Variants in ZNF800 observed in about 807,000 individuals in gnomAD.
ZNF800 encodes the protein zinc finger protein 800.
Under a neutral mutation model 59.5 loss-of-function variants are expected in ZNF800, and 13 were observed. The observed-to-expected ratio is 0.22, with a 90% CI of 0.14 to 0.35. ZNF800 has a LOEUF of 0.35. ZNF800 is among the 10% of genes least tolerant of loss of function. The probability of loss-of-function intolerance (pLI) is 1.00; values close to 1 mark genes in which losing one functional copy is unlikely to be tolerated. For synonymous variants in ZNF800, 266 were observed against 265.7 expected (o/e 1.00, Z -0.01); for missense variants, 621 against 783.7 (o/e 0.79, Z 2.48).
At chr7:127,386,935 T>G (rs984575221) in intron 2 of ZNF800, among the ~76,000 whole-genome samples, 1 of 151,848 alleles carries the variant, frequency 6.6e-6, no homozygotes, top group African/African-American at 2.4e-5. Context: ...TTAATATATA[T>G]TTTATATATG....
At chr7:127,351,285 C>G (rs1254764487) in intron 1 of ZNF800, 1 of 152,234 alleles carries the variant, frequency 6.6e-6, no homozygotes. Context: ...CAAATCCTGT[C>G]CATCTCTCAA....
chr7:127,386,024 G>A, intron 3 of ZNF800, 36 bp downstream of exon 3: 1 of 1,463,038 alleles, frequency 6.8e-7, no homozygotes, highest in Non-Finnish European at 9.5e-7. Context: ...TAACTACTAT[G>A]TGAAGATTGA....
chr7:127,379,859 C>A (rs867767619), intron 3 of ZNF800, among the ~76,000 whole-genome samples: 5 of 79,016 alleles, frequency 6.3e-5, no homozygotes, highest in South Asian at 6.4e-4. Context: ...CCCACCCCCC[C>A]CACACACACA....
chr7:127,368,540 G>A (rs185033009), downstream of ZNF800, among the ~76,000 whole-genome samples: 1 of 152,098 alleles, frequency 6.6e-6, no homozygotes, highest in East Asian at 1.9e-4. Context: ...TCCAAACTAA[G>A]GATCTAGAAT....
At chr7:127,347,901 G>C (rs1800098097) in exon 2 of ZNF800, 2 of 149,978 alleles carry the variant, frequency 1.3e-5, no homozygotes, top group African/African-American at 4.8e-5. Flanking sequence ...GCGTGCTGGA[G>C]CTCTCGGGCG....
downstream of ZNF800, among the ~76,000 whole-genome samples, chr7:127,366,958 G>T (rs996296953): frequency 6.6e-6 from 1 of 152,118 alleles, no homozygotes; most frequent in Non-Finnish European, 1.5e-5. Flanking sequence ...GGAAAGTAGC[G>T]GAAGGACACA....
At chr7:127,355,314 G>A (rs1800248672) in intron 1 of ZNF800, among the ~76,000 whole-genome samples, 1 of 152,050 alleles carries the variant, frequency 6.6e-6, no homozygotes. Flanking sequence ...TAGCTTACAG[G>A]ACAGGAAGAA....
At chr7:127,344,225 A>G (rs1461418746), downstream of ZNF800, among the ~76,000 whole-genome samples, 1 of 152,056 alleles carries the variant, frequency 6.6e-6, no homozygotes, top group Non-Finnish European at 1.5e-5. Flanking sequence ...CACAAAAATA[A>G]ATAGCTTGAC....
At position 127,392,433 on chromosome 7, in the gene ZNF800, C is replaced by T; in HGVS notation, c.-432G>A. On this transcript the variant is annotated 5_prime_UTR_variant, in exon 1 of 6. Coordinates refer to ENST00000265827, the MANE Select transcript of ZNF800 (RefSeq NM_176814.5). ...CCGGAGCGGGCAGGACCTGAGGCTT[C>T]CCTCGCCGGGGCAACGGCTGCCGCC... 2.7e-6 allele frequency: 1 copy of T among 375,382 alleles called. No individual in the cohort carries two copies. Among genetic ancestry groups the T allele is most frequent in the Non-Finnish European group, 4.7e-6 (1 of 211,378 alleles). 23.3% of individuals were successfully genotyped at this position (375,382 alleles called of 1,614,324 possible).
In ZNF800 at chr7:127,392,064, C is replaced by T. The variant is rs1801344098; in HGVS notation, c.-63G>A. Reference sequence around the variant, plus strand: ...AACCAAGTGCGCCCAACTTACTCAACTCTTAGGGCGGGCCGGCGGGCGGGC... The same window carrying T: ...AACCAAGTGCGCCCAACTTACTCAATTCTTAGGGCGGGCCGGCGGGCGGGC... On this transcript the variant is annotated 5_prime_UTR_variant, in exon 1 of 6. Coordinates refer to ENST00000265827, the MANE Select transcript of ZNF800 (RefSeq NM_176814.5). 1 of 390,482 alleles carries T rather than the reference C, an allele frequency of 2.6e-6. No individual in the cohort carries two copies. The highest frequency in any genetic ancestry group is 4.5e-6 in the Non-Finnish European group (1 of 220,996). 24.2% of individuals were successfully genotyped at this position (390,482 alleles called of 1,614,324 possible).
At chr7:127,386,231 C>A in intron 2 of ZNF800, 76 bp from the exon 3 acceptor site, 1 of 829,332 alleles carries the variant, frequency 1.2e-6, no homozygotes, top group Non-Finnish European at 2.0e-6. Context: ...TAAAGTAAAA[C>A]AATGGCTTTC....
rs950557303 is a variant in ZNF800 at position 127,377,124 on chromosome 7, T to C, written c.301+62A>G. Reference sequence around the variant, plus strand: ...TAGATACAATTTTAATGCAAATGTATACTTGCAGTATAAGAATACTTAGCT... The same window carrying C: ...TAGATACAATTTTAATGCAAATGTACACTTGCAGTATAAGAATACTTAGCT... On this transcript the variant is annotated intron_variant, in intron 4 of 5. Coordinates refer to ENST00000265827, the MANE Select transcript of ZNF800 (RefSeq NM_176814.5). The surrounding 1 kb of genome is among the most constrained non-coding windows in gnomAD (Gnocchi z 4.7). 9 of 1,398,174 alleles carry C rather than the reference T, an allele frequency of 6.4e-6. No individual in the cohort carries two copies. The highest frequency in any genetic ancestry group is 2.9e-5 in the African/African-American group (2 of 68,600). 86.6% of individuals were successfully genotyped at this position (1,398,174 alleles called of 1,614,324 possible).
At position 127,371,306 on chromosome 7, in the gene ZNF800, T is replaced by C. The variant is rs1426960104; in HGVS notation, c.*508A>G. The C allele has an allele frequency of 6.6e-6, 1 of 152,646 alleles. No individual in the cohort carries two copies. The highest frequency in any genetic ancestry group is 6.5e-5 in the Admixed American group (1 of 15,280). 9.5% of individuals were successfully genotyped at this position (152,646 alleles called of 1,614,324 possible). A position where few individuals can be genotyped will look rare whatever the true frequency, so the allele number is the denominator to read the frequency against. On this transcript the variant is annotated 3_prime_UTR_variant, in exon 6 of 6. Transcript: ENST00000265827. ...ACAAATATTTAGTAAGCTAAATATT[T>C]ATAATGTGTTGATACTATTTTGTCT...
intron 3 of ZNF800, among the ~76,000 whole-genome samples, chr7:127,380,494 T>C (rs752008250): frequency 6.6e-6 from 1 of 152,176 alleles, no homozygotes; most frequent in Non-Finnish European, 1.5e-5. Context: ...CAAACAGAGA[T>C]AATAAAAGTT....
chr7:127,372,216 T>C (rs7781891), intron 5 of ZNF800, among the ~76,000 whole-genome samples: 19,313 of 152,092 alleles, frequency 0.13, 1,564 homozygotes, highest in Middle Eastern at 0.22. Flanking sequence ...CGGTGGCTCA[T>C]GCCTGTAACC....
chr7:127,348,899 T>C (rs1800120997), intron 1 of ZNF800, among the ~76,000 whole-genome samples: 1 of 152,212 alleles, frequency 6.6e-6, no homozygotes, highest in South Asian at 2.1e-4. Context: ...CATCAAAAGA[T>C]TTTAAAAAAT....
At chr7:127,367,807 C>A (rs2285336), downstream of ZNF800, among the ~76,000 whole-genome samples, 3 of 152,034 alleles carry the variant, frequency 2.0e-5, no homozygotes, top group South Asian at 6.2e-4. Context: ...TGCTAGGCAC[C>A]GTACAAAATT....
intron 2 of ZNF800, among the ~76,000 whole-genome samples, chr7:127,389,102 CT>C (rs1345150053): frequency 6.6e-6 from 1 of 152,088 alleles, no homozygotes; most frequent in East Asian, 1.9e-4. Flanking sequence ...AAACAAGGCC[CT>C]TAAAAGATCA....
intron 2 of ZNF800, among the ~76,000 whole-genome samples, chr7:127,389,635 C>G (rs1295105262): frequency 1.3e-5 from 2 of 152,126 alleles, no homozygotes; most frequent in Non-Finnish European, 2.9e-5. Context: ...TATAAGTTAA[C>G]AAAGTTCTAT....
Sources: gnomAD v4.1 joint callset for allele counts (sites outside exome capture counted in the v4.1 genomes callset) on GRCh38, gnomAD v4.1.1 for gene constraint, Gnocchi (gnomAD v3.1) non-coding constraint, MANE v1.5 for transcripts, NCBI Gene and HGNC (gene_info 2026-07-23, HGNC 2026-07-21) for gene names.